The following GPNMB variants were observed in gnomAD, a reference collection of about 807,000 sequenced individuals.
GPNMB encodes the protein glycoprotein nmb, also known as transmembrane glycoprotein NMB.
A neutral mutation model predicts 57.3 loss-of-function variants in GPNMB; 71 were observed. The observed-to-expected ratio is 1.24, with a 90% CI of 1.02 to 1.51. GPNMB has a LOEUF of 1.51. Among genes scored for constraint, GPNMB ranks in the 40% most tolerant of loss-of-function variants. GPNMB has a pLI of 0.00. For synonymous variants in GPNMB, 253 were observed against 263.2 expected, an observed-to-expected ratio of 0.96 and a Z score of 0.38; for missense variants, 677 against 691.9, an observed-to-expected ratio of 0.98 and a Z score of 0.24.
intron 9 of GPNMB, among the ~76,000 whole-genome samples, chr7:23,271,523 C>T (rs963531195): frequency 1.3e-5 from 2 of 152,164 alleles, no homozygotes; most frequent in Admixed American, 1.3e-4. Flanking sequence ...CAGCTGGGCG[C>T]GGTGGCTCAC....
chr7:23,259,920 C>A lies in GPNMB; in HGVS notation c.542-60C>A, dbSNP rs1205133550. The A allele has an allele frequency of 5.9e-6, 9 of 1,514,222 alleles. No individual in the cohort carries two copies. In the East Asian group the frequency reaches 2.0e-4, roughly 34 times the overall value. The allele number at this position is 1,514,222 out of a possible 1,614,324, so 93.8% of individuals were successfully genotyped here. ...ATGGTGGTAGCTAGTCTTTAAGGAA[C>A]AGCTTCCTATAATGATGATATAATG... On this transcript the variant is annotated intron_variant, in intron 4 of 10. Coordinates refer to ENST00000258733, the MANE Select transcript of GPNMB (RefSeq NM_002510.3).
At chr7:23,258,472 A>G (rs1240270005) in intron 4 of GPNMB, among the ~76,000 whole-genome samples, 1 of 152,200 alleles carries the variant, frequency 6.6e-6, no homozygotes, top group Non-Finnish European at 1.5e-5. Context: ...TGTCACTCTC[A>G]TGACAGAATT....
Position 23,260,686 on chromosome 7 carries a change from C to A in GPNMB, c.931C>A (p.Leu311Ile), listed in dbSNP as rs1461827356. The A allele has an allele frequency of 1.9e-6, 3 of 1,611,958 alleles. No homozygotes were observed. The highest frequency in any genetic ancestry group is 2.5e-6 in the Non-Finnish European group (3 of 1,178,238). The change falls in exon 6 of 11, where the codon CTT becomes ATT. Residue 311 changes from leucine to isoleucine, a missense_variant. Transcript: ENST00000258733. ...HTYVLNGTFS[L>I]NLTVKAAAPG... is the part of the protein sequence containing the mutation. ...GTATGTGCTCAATGGAACCTTCAGC[C>A]TTAACCTCACTGTGAAAGCTGCAGC...
rs147133129 is a variant in GPNMB at position 23,254,119 on chromosome 7, C to T, written c.224-50C>T. ...AAAGTTAGCTCTAAATGTTTATGAA[C>T]GAAAGGAAAAAGATGCTGGATCATC... On this transcript the variant is annotated intron_variant, in intron 2 of 10. Coordinates refer to ENST00000258733, the MANE Select transcript of GPNMB (RefSeq NM_002510.3). 2.5e-5 allele frequency: 39 copies of T among 1,557,408 alleles called. No individual in the cohort carries two copies. In the East Asian group the frequency reaches 6.8e-4, roughly 27 times the overall value.
chr7:23,251,982 G>A (rs1782672439), intron 1 of GPNMB, among the ~76,000 whole-genome samples: 1 of 152,194 alleles, frequency 6.6e-6, no homozygotes, highest in Non-Finnish European at 1.5e-5. Flanking sequence ...GAGACCATGT[G>A]ACCACCAGAC....
intron 4 of GPNMB, among the ~76,000 whole-genome samples, chr7:23,259,415 C>G (rs1331332018): frequency 6.6e-6 from 1 of 152,094 alleles, no homozygotes; most frequent in South Asian, 2.1e-4. Flanking sequence ...ATCTCCTGAC[C>G]TCGTGATCCG....
intron 8 of GPNMB, 146 bp downstream of exon 8, chr7:23,268,134 G>A (rs1199247869): frequency 1.6e-6 from 1 of 618,260 alleles, no homozygotes; most frequent in African/African-American, 1.8e-5. Flanking sequence ...CCCTAGACAG[G>A]AAGGTCCCTA....
intron 9 of GPNMB, among the ~76,000 whole-genome samples, chr7:23,271,395 T>A (rs1562644586): frequency 1.3e-5 from 2 of 152,234 alleles, no homozygotes; most frequent in African/African-American, 4.8e-5. Context: ...TACAATCTAA[T>A]AGCTCATTCA....
In GPNMB at chr7:23,260,636, C is replaced by T. The variant is rs35499907; in HGVS notation, c.881C>T (p.Ser294Phe). 8,650 of 1,613,988 alleles carry T rather than the reference C, an allele frequency of 5.4e-3. 342 individuals are homozygous for T. The East Asian group carries it at 0.11, about 20-fold the overall frequency. ...SFGDNTGLFV[S>F]TNHTVNHTYV... ...GGGGATAATACTGGCCTGTTTGTTT[C>T]CACCAATCATACTGTGAATCACACG... The change falls in exon 6 of 11, where the codon TCC becomes TTC. Residue 294 changes from serine to phenylalanine, a missense_variant. Coordinates refer to ENST00000258733, the MANE Select transcript of GPNMB (RefSeq NM_002510.3).
intron 5 of GPNMB, 74 bp downstream of exon 5, chr7:23,260,212 G>A (rs1374088978): frequency 3.3e-6 from 5 of 1,505,434 alleles, no homozygotes; most frequent in Non-Finnish European, 4.6e-6. Context: ...AAAGAGGTAA[G>A]GCCAAGTGTT....
intron 6 of GPNMB, among the ~76,000 whole-genome samples, chr7:23,263,699 T>C (rs1485454360): frequency 6.6e-6 from 1 of 151,656 alleles, no homozygotes; most frequent in East Asian, 1.9e-4. Context: ...TGGCTTTATC[T>C]AAAGGTGTTA....
In GPNMB at chr7:23,253,479, C is replaced by A. The variant is rs199348; in HGVS notation, c.223+20C>A. The A allele has an allele frequency of 0.4, 632,796 of 1,602,002 alleles. 127,855 individuals are homozygous for A. Among genetic ancestry groups the A allele is most frequent in the African/African-American group, 0.49 (36,699 of 74,494 alleles). On this transcript the variant is annotated intron_variant, in intron 2 of 10. Coordinates refer to ENST00000258733, the MANE Select transcript of GPNMB (RefSeq NM_002510.3). Reference sequence around the variant, plus strand: ...GGAAGGGTAAGTCAAAAGATTCAAACCAAACACCTGCAATTTCCTACTTCA... The same window carrying A: ...GGAAGGGTAAGTCAAAAGATTCAAAACAAACACCTGCAATTTCCTACTTCA...
rs768372397 is a variant in GPNMB at position 23,260,611 on chromosome 7, G to C, written c.856G>C (p.Gly286Arg). ...YSTINYKWSFGDNTGLFVSTN... is the reference protein window; with the variant it reads ...YSTINYKWSFRDNTGLFVSTN... ...TACCATTAACTACAAGTGGAGCTTCGGGGATAATACTGGCCTGTTTGTTTC... is the reference window on the plus strand; with the variant it reads ...TACCATTAACTACAAGTGGAGCTTCCGGGATAATACTGGCCTGTTTGTTTC... Residue 286 changes from glycine to arginine, a missense_variant, in exon 6 of 11, where the codon GGG (glycine) becomes CGG (arginine). By Grantham distance (125) the Gly-to-Arg change is moderately radical. Transcript: ENST00000258733. The C allele has an allele frequency of 3.1e-6, 5 of 1,613,902 alleles. No individual in the cohort carries two copies. Among genetic ancestry groups the C allele is most frequent in the African/African-American group, 2.7e-5 (2 of 74,874 alleles).
chr7:23,270,217 A>G (rs761346818), intron 9 of GPNMB, 42 bp downstream of exon 9: 58 of 1,358,562 alleles, frequency 4.3e-5, no homozygotes, highest in Non-Finnish European at 5.8e-5. Flanking sequence ...TCATACTGCA[A>G]GTAAAGTGTG....
chr7:23,260,839 T>C, intron 6 of GPNMB, 66 bp downstream of exon 6: 3 of 1,206,268 alleles, frequency 2.5e-6, no homozygotes, highest in Non-Finnish European at 3.4e-6. Context: ...ACGCAGGTCA[T>C]ATTATTAAAT....
chr7:23,265,867 C>A (rs753651423), intron 6 of GPNMB, among the ~76,000 whole-genome samples: 1 of 150,184 alleles, frequency 6.7e-6, no homozygotes, highest in Non-Finnish European at 1.5e-5. Flanking sequence ...GCCCAGAATA[C>A]CTGCTTCCAA....
chr7:23,267,264 A>C (rs1020324998), intron 7 of GPNMB, among the ~76,000 whole-genome samples: 4 of 152,358 alleles, frequency 2.6e-5, no homozygotes, highest in African/African-American at 7.2e-5. Flanking sequence ...ATGCACACAA[A>C]GGCTCTAGGA....
At chr7:23,263,515 G>A (rs998319715) in intron 6 of GPNMB, among the ~76,000 whole-genome samples, 1 of 151,762 alleles carries the variant, frequency 6.6e-6, no homozygotes, top group Non-Finnish European at 1.5e-5. Flanking sequence ...GGGAGGCTGA[G>A]GCAGAAGAAT....
Position 23,274,478 on chromosome 7 carries a change from A to T in GPNMB, c.*254A>T, listed in dbSNP as rs1783289023. 1 of 350,894 alleles carries T rather than the reference A, an allele frequency of 2.8e-6. No homozygotes were observed. Among genetic ancestry groups the T allele is most frequent in the Admixed American group, 4.5e-5 (1 of 22,244 alleles). The allele number at this position is 350,894 out of a possible 1,614,324, so 21.7% of individuals were successfully genotyped here. On this transcript the variant is annotated 3_prime_UTR_variant, in exon 11 of 11. Coordinates refer to ENST00000258733, the MANE Select transcript of GPNMB (RefSeq NM_002510.3). ...TTTCATTATTTTTTATGTTTCACTT[A>T]TAAAGTCTTAGGTAACTAGTAGGAT... is the stretch of plus-strand genomic sequence containing the variant.
Sources: allele counts gnomAD v4.1 joint callset (sites outside exome capture counted in the v4.1 genomes callset), GRCh38; gene constraint gnomAD v4.1.1; transcripts MANE v1.5; gene names NCBI Gene and HGNC (gene_info 2026-07-23, HGNC 2026-07-21).